OPRM1: variants seen among roughly 807,000 people sequenced by gnomAD.
The protein encoded by OPRM1 is mu-type opioid receptor.
In OPRM1, 27 loss-of-function variants were observed where a neutral mutation model predicts 31.8. The ratio of observed to expected loss-of-function variants is 0.85; its 90% CI spans 0.63 to 1.17. OPRM1 has a LOEUF of 1.17. Among genes scored for constraint, OPRM1 ranks in the 50% most tolerant of loss-of-function variants. The pLI, the probability that OPRM1 is intolerant of heterozygous loss-of-function variation, is 0.00. For missense variants in OPRM1, 536 were observed against 511.1 expected, an observed-to-expected ratio of 1.05 and a Z score of -0.47; for synonymous variants, 196 against 189.9, an observed-to-expected ratio of 1.03 and a Z score of -0.26.
chr6:154,139,688 A>G (rs1010182024), intron 3 of OPRM1, among the ~76,000 whole-genome samples: 1 of 152,178 alleles, frequency 6.6e-6, no homozygotes, highest in Non-Finnish European at 1.5e-5. Context: ...ACACACAGCC[A>G]TCAGTCAGTG....
At chr6:154,041,129 T>C (rs1779975854) in intron 1 of OPRM1, among the ~76,000 whole-genome samples, 1 of 152,196 alleles carries the variant, frequency 6.6e-6, no homozygotes, top group Non-Finnish European at 1.5e-5. Flanking sequence ...ATTACCCAGG[T>C]GCTGCAAATT....
intron 3 of OPRM1, among the ~76,000 whole-genome samples, chr6:154,099,040 G>A (rs575685405): frequency 1.3e-5 from 2 of 152,216 alleles, no homozygotes; most frequent in South Asian, 2.1e-4. Context: ...AGCATTTTGG[G>A]AGGCCGAGGC....
chr6:154,039,280 T>TC lies in OPRM1; in HGVS notation c.-261dup. Reference sequence around the variant, plus strand: ...CCTCCGAATCCCGCATGGCCCACGCTCCCCTCCTGCAGCGGTGCGGGGCAG... The same window carrying TC: ...CCTCCGAATCCCGCATGGCCCACGCTCCCCCTCCTGCAGCGGTGCGGGGCAG... On this transcript the variant is annotated 5_prime_UTR_variant, in exon 1 of 4. The change creates a premature stop within an existing upstream ORF in the 5' untranslated region. Coordinates refer to ENST00000330432, the MANE Select transcript of OPRM1 (RefSeq NM_000914.5). 1.9e-6 allele frequency: 3 copies of TC among 1,551,304 alleles called. No homozygotes were observed. Among genetic ancestry groups the TC allele is most frequent in the Non-Finnish European group, 2.6e-6 (3 of 1,146,854 alleles).
intron 1 of OPRM1, among the ~76,000 whole-genome samples, chr6:154,022,291 C>G (rs1418719137): frequency 2.0e-5 from 3 of 151,968 alleles, no homozygotes; most frequent in African/African-American, 7.3e-5. Context: ...TGCCACAGCC[C>G]AAGTGTATAA....
At chr6:154,203,564 G>A (rs953857751) in intron 3 of OPRM1, among the ~76,000 whole-genome samples, 27 of 152,124 alleles carry the variant, frequency 1.8e-4, no homozygotes, top group African/African-American at 6.3e-4. Flanking sequence ...ACAGGGAGCC[G>A]ACTTTTCGTG....
In OPRM1 at chr6:154,091,392, C is replaced by G; in HGVS notation, c.1084C>G (p.Gln362Glu). ...TATCCCAACCTCTTCCAACATTGAGCAACAAAACTCCACTCGAATTCGTCA... is the reference window on the plus strand; with the variant it reads ...TATCCCAACCTCTTCCAACATTGAGGAACAAAACTCCACTCGAATTCGTCA... ...FCIPTSSNIE[Q>E]QNSTRIRQNT... is the part of the protein sequence containing the mutation. The change falls in exon 3 of 4, where the codon CAA becomes GAA. Residue 362 changes from glutamine (Q) to glutamate (E), a missense_variant. By Grantham distance (29) the Gln-to-Glu change is conservative. Transcript: ENST00000330432. 6.2e-7 allele frequency: 1 copy of G among 1,614,140 alleles called. No homozygotes were observed. Among genetic ancestry groups the G allele is most frequent in the South Asian group, 1.1e-5 (1 of 91,080 alleles).
intron 1 of OPRM1, among the ~76,000 whole-genome samples, chr6:154,012,386 T>C (rs1777777131): frequency 6.6e-6 from 1 of 152,170 alleles, no homozygotes; most frequent in South Asian, 2.1e-4. Context: ...ATTTCCTTCC[T>C]TTAAGATCTA....
intron 3 of OPRM1, among the ~76,000 whole-genome samples, chr6:154,171,059 T>C (rs968820244): frequency 2.6e-5 from 4 of 152,092 alleles, no homozygotes; most frequent in African/African-American, 9.7e-5. Context: ...CTTTAGAAAA[T>C]AGTTTGTCCA....
At chr6:154,038,675 A>G (rs763473446), upstream of OPRM1, among the ~76,000 whole-genome samples, 1 of 152,184 alleles carries the variant, frequency 6.6e-6, no homozygotes, top group Non-Finnish European at 1.5e-5. Context: ...GGATGCCACA[A>G]CCTTCTGATT....
At chr6:154,089,693 T>C (rs1791566120) in intron 1 of OPRM1, 133 bp from the exon 2 acceptor site, 3 of 632,310 alleles carry the variant, frequency 4.7e-6, no homozygotes, top group Non-Finnish European at 8.2e-6. Flanking sequence ...GCCAAGCTGA[T>C]ACTGGAAAAC....
chr6:154,166,073 A>G (rs1799401223), intron 3 of OPRM1, among the ~76,000 whole-genome samples: 1 of 152,284 alleles, frequency 6.6e-6, no homozygotes, highest in African/African-American at 2.4e-5. Context: ...GGGCAGAGGC[A>G]TTTGAGCAAG....
Position 154,123,773 on chromosome 6 carries a change from A to G in OPRM1, c.*5052A>G, listed in dbSNP as rs1416251369. 6.6e-6 allele frequency among the ~76,000 whole-genome samples: 1 copy of G among 152,186 alleles called. No homozygotes were observed. The highest frequency in any genetic ancestry group is 6.5e-5 in the Admixed American group (1 of 15,276). Reference sequence around the variant, plus strand: ...GTAAACTGTCGTGGTACTGGTGGGAATGTTTTTTAGCATGCTAATGCAATA... The same window carrying G: ...GTAAACTGTCGTGGTACTGGTGGGAGTGTTTTTTAGCATGCTAATGCAATA... On this transcript the variant is annotated 3_prime_UTR_variant, in exon 4 of 4. Transcript: ENST00000330432.
chr6:154,109,784 CTCTCTCTCTGTGTGTGTGTGTGTGTG>C (rs774927955), intron 3 of OPRM1, among the ~76,000 whole-genome samples: 14,914 of 121,586 alleles, frequency 0.12, 938 homozygotes, highest in Admixed American at 0.24. Flanking sequence ...CTCTCTCTCT[CTCTCTCTCTGTGTGTGTGTGTGTGTG>C]TGTGTGTGTG....
rs1026013063 is a variant in OPRM1 at position 154,039,413 on chromosome 6, A to G, written c.-132A>G. 4 of 1,550,342 alleles carry G rather than the reference A, an allele frequency of 2.6e-6. No individual in the cohort carries two copies. Among genetic ancestry groups the G allele is most frequent in the African/African-American group, 2.7e-5 (2 of 72,984 alleles). ...CCTGACGCTCCTCTCTGTCTCAGCC[A>G]GGACTGGTTTCTGTAAGAAACAGCA... On this transcript the variant is annotated 5_prime_UTR_variant, in exon 1 of 4. Coordinates refer to ENST00000330432, the MANE Select transcript of OPRM1 (RefSeq NM_000914.5).
At chr6:154,216,591 C>T (rs1021880498) in intron 3 of OPRM1, among the ~76,000 whole-genome samples, 7 of 152,190 alleles carry the variant, frequency 4.6e-5, no homozygotes, top group South Asian at 4.1e-4. Context: ...AAGTGATGGC[C>T]GGGCACAGTG....
intron 1 of OPRM1, among the ~76,000 whole-genome samples, chr6:154,061,443 C>A (rs910689287): frequency 5.3e-5 from 8 of 151,604 alleles, no homozygotes; most frequent in Non-Finnish European, 8.8e-5. Flanking sequence ...ATGTGCTTGG[C>A]AAAAATAAAA....
upstream of OPRM1, among the ~76,000 whole-genome samples, chr6:154,038,349 C>T (rs575142005): frequency 3.2e-4 from 48 of 152,174 alleles, no homozygotes; most frequent in Non-Finnish European, 6.3e-4. Flanking sequence ...CAAGAACTTA[C>T]TCTTGGTATT....
chr6:154,178,906 A>C (rs1257736381), intron 3 of OPRM1, among the ~76,000 whole-genome samples: 1 of 152,190 alleles, frequency 6.6e-6, no homozygotes, highest in Admixed American at 6.5e-5. Context: ...ATCATCCACA[A>C]GCATAAAACA....
intron 3 of OPRM1, among the ~76,000 whole-genome samples, chr6:154,243,417 A>G (rs554759861): frequency 1.2e-4 from 19 of 152,314 alleles, no homozygotes; most frequent in Admixed American, 3.3e-4. Context: ...ACCTTTCTCA[A>G]TGAATTCTAG....
Sources: gnomAD v4.1 joint callset for allele counts (sites outside exome capture counted in the v4.1 genomes callset) on GRCh38, gnomAD v4.1.1 for gene constraint, MANE v1.5 for transcripts, NCBI Gene and HGNC (gene_info 2026-07-23, HGNC 2026-07-21) for gene names.